Variants in NGF observed in about 807,000 individuals in gnomAD.
NGF encodes the protein beta-nerve growth factor.
NGF carries 4 observed loss-of-function variants against 12.8 expected under a neutral mutation model. That is an observed-to-expected ratio of 0.31 (90% CI 0.15 to 0.72). NGF has a LOEUF of 0.72. NGF is among the 30% of genes least tolerant of loss of function. The pLI, the probability that NGF is intolerant of heterozygous loss-of-function variation, is 0.69. For synonymous variants in NGF, 140 were observed against 130.0 expected, an observed-to-expected ratio of 1.08 and a Z score of -0.52; for missense variants, 283 against 330.8, an observed-to-expected ratio of 0.86 and a Z score of 1.12.
intron 1 of NGF, among the ~76,000 whole-genome samples, chr1:115,304,632 G>A (rs1654145861): frequency 6.6e-6 from 1 of 152,036 alleles, no homozygotes; most frequent in African/African-American, 2.4e-5. Context: ...AGTGGACTTT[G>A]TGCTTAGGCC....
Position 115,286,370 on chromosome 1 carries a change from C to T in NGF, c.426G>A (p.Trp142Ter). The change falls in exon 3 of 3, where the codon TGG (tryptophan) becomes TGA (stop). Residue 142 changes from tryptophan (W) to a stop codon, truncating the protein, a stop_gained. Transcript: ENST00000369512. LOFTEE classifies it high-confidence loss of function. Reference protein sequence around the residue: ...EFSVCDSVSVWVGDKTTATDI... With the variant: ...EFSVCDSVSV The stretch of plus-strand genomic sequence containing the variant: ...CTGTGGCGGTGGTCTTATCCCCAAC[C>T]CACACGCTGACACTGTCACACACCG... The T allele has an allele frequency of 6.2e-7, 1 of 1,614,010 alleles. No individual in the cohort carries two copies.
intron 2 of NGF, among the ~76,000 whole-genome samples, chr1:115,287,235 C>T (rs1458295415): frequency 6.6e-6 from 1 of 152,176 alleles, no homozygotes; most frequent in African/African-American, 2.4e-5. Context: ...GTGATGGTGC[C>T]GTCCTGCTCA....
intron 1 of NGF, among the ~76,000 whole-genome samples, chr1:115,304,090 T>A (rs777156491): frequency 5.3e-5 from 8 of 152,150 alleles, no homozygotes; most frequent in Non-Finnish European, 8.8e-5. Flanking sequence ...TAGACCTTGA[T>A]AAATCTTAGA....
At chr1:115,320,444 C>T (rs781697926) in intron 1 of NGF, among the ~76,000 whole-genome samples, 6 of 152,108 alleles carry the variant, frequency 3.9e-5, no homozygotes, top group Non-Finnish European at 5.9e-5. Flanking sequence ...ACAAGCACTG[C>T]CATACTGAAA....
chr1:115,327,184 G>A lies in NGF; in HGVS notation c.-137+11020C>T, dbSNP rs568397548. Among the ~76,000 whole-genome samples the A allele has an allele frequency of 1.2e-4, 18 of 152,252 alleles. No homozygotes were observed. The East Asian group carries it at 2.5e-3, about 21-fold the overall frequency. ...AGAATTCTGTAATAGGTTCATAGTC[G>A]TTTAAGAAGTCAAAATGACTGGAAG... On this transcript the variant is annotated intron_variant, in intron 1 of 2. Coordinates refer to ENST00000369512, the MANE Select transcript of NGF (RefSeq NM_002506.3).
chr1:115,331,494 C>T (rs898244414), intron 1 of NGF, among the ~76,000 whole-genome samples: 7 of 152,156 alleles, frequency 4.6e-5, no homozygotes, highest in African/African-American at 1.4e-4. Context: ...TGCAATTGCT[C>T]CATGTGTTAA....
intron 1 of NGF, among the ~76,000 whole-genome samples, chr1:115,312,131 G>T (rs1034834651): frequency 6.6e-6 from 1 of 152,102 alleles, no homozygotes; most frequent in African/African-American, 2.4e-5. Context: ...CTATTTGGTG[G>T]GGCAGCATGC....
At chr1:115,306,257 C>T (rs774802674) in intron 1 of NGF, among the ~76,000 whole-genome samples, 4 of 152,200 alleles carry the variant, frequency 2.6e-5, no homozygotes, top group Non-Finnish European at 5.9e-5. Flanking sequence ...GCAAAGAGAT[C>T]GAATGTCAAG....
At position 115,332,082 on chromosome 1, in the gene NGF, T is replaced by A. The variant is rs530697239; in HGVS notation, c.-137+6122A>T. Among the ~76,000 whole-genome samples the A allele has an allele frequency of 1.2e-4, 19 of 152,348 alleles. No homozygotes were observed. The South Asian group carries it at 3.7e-3, about 30-fold the overall frequency. On this transcript the variant is annotated intron_variant, in intron 1 of 2. Transcript: ENST00000369512. The stretch of plus-strand genomic sequence containing the variant: ...ACTTTCTCTTTCTTTTCTTGTAAAC[T>A]TGAAGAATTCCTAAGACATTTAAAA...
At chr1:115,303,512 C>T (rs566640268) in intron 1 of NGF, among the ~76,000 whole-genome samples, 5 of 152,048 alleles carry the variant, frequency 3.3e-5, no homozygotes, top group Admixed American at 6.6e-5. Context: ...ATCACCACTA[C>T]TTTCTCCATC....
chr1:115,294,451 T>G (rs1323567976), intron 1 of NGF, among the ~76,000 whole-genome samples: 2 of 152,248 alleles, frequency 1.3e-5, no homozygotes, highest in African/African-American at 4.8e-5. Flanking sequence ...TCATTCACAA[T>G]ATTTTCTGGG....
At chr1:115,297,330 A>G (rs1557937647) in intron 1 of NGF, among the ~76,000 whole-genome samples, 2 of 152,192 alleles carry the variant, frequency 1.3e-5, no homozygotes, top group South Asian at 2.1e-4. Context: ...GCGCCAACCC[A>G]GAGCCAGTCC....
intron 2 of NGF, among the ~76,000 whole-genome samples, chr1:115,289,172 A>G (rs905872058): frequency 6.6e-6 from 1 of 152,106 alleles, no homozygotes; most frequent in African/African-American, 2.4e-5. Flanking sequence ...CGGACTGAAT[A>G]TTCAGTTGGC....
intron 2 of NGF, among the ~76,000 whole-genome samples, chr1:115,291,684 G>T (rs183419481): frequency 7.2e-5 from 11 of 152,294 alleles, no homozygotes; most frequent in Admixed American, 4.6e-4. Flanking sequence ...GATTTCCAAT[G>T]GTTCACACAC....
At chr1:115,309,048 T>C (rs548310670) in intron 1 of NGF, among the ~76,000 whole-genome samples, 113 of 152,286 alleles carry the variant, frequency 7.4e-4, no homozygotes, top group Non-Finnish European at 1.2e-3. Flanking sequence ...GACAGTCCTA[T>C]TGGCAAGGAG....
At chr1:115,333,682 TTTCTTTCTTTCTTTCTTTC>T (rs1655001703) in intron 1 of NGF, among the ~76,000 whole-genome samples, 1 of 90,576 alleles carries the variant, frequency 1.1e-5, no homozygotes, top group Admixed American at 1.1e-4. Context: ...TCTTTCTTTC[TTTCTTTCTTTCTTTCTTTC>T]TTTCTTTCTT....
chr1:115,321,511 T>C (rs1258503192), intron 1 of NGF, among the ~76,000 whole-genome samples: 2 of 151,960 alleles, frequency 1.3e-5, no homozygotes, highest in Non-Finnish European at 2.9e-5. Context: ...CCGAAAGGAC[T>C]GCAGTTCTTT....
chr1:115,291,188 A>G (rs1653683794), intron 2 of NGF, among the ~76,000 whole-genome samples: 1 of 152,220 alleles, frequency 6.6e-6, no homozygotes. Flanking sequence ...TTTTAAAAAA[A>G]TATTTAATTT....
chr1:115,309,334 C>T (rs557896403), intron 1 of NGF, among the ~76,000 whole-genome samples: 5 of 152,254 alleles, frequency 3.3e-5, no homozygotes, highest in African/African-American at 1.2e-4. Flanking sequence ...TATGTATTAG[C>T]AGTAGTTGAA....
Sources: gnomAD v4.1 joint callset for allele counts (sites outside exome capture counted in the v4.1 genomes callset) on GRCh38, gnomAD v4.1.1 for gene constraint, MANE v1.5 for transcripts, NCBI Gene and HGNC (gene_info 2026-07-23, HGNC 2026-07-21) for gene names.